The following SPMAP2L variants were observed in gnomAD, a reference collection of about 807,000 sequenced individuals.
SPMAP2L encodes sperm microtubule associated protein 2-like.
chr4:56,534,306 C>T, the SPMAP2L span, among the ~76,000 whole-genome samples: 41 of 152,096 alleles, frequency 2.7e-4, no homozygotes, highest in Non-Finnish European at 5.9e-5. Flanking sequence ...ACACATTAAC[C>T]TCTTATTTTC....
chr4:56,548,146 T>C, the SPMAP2L span, among the ~76,000 whole-genome samples: 1 of 152,224 alleles, frequency 6.6e-6, no homozygotes, highest in Non-Finnish European at 1.5e-5. Context: ...CTTTATACTT[T>C]GCAAAAAAAT....
At chr4:56,535,171 T>C in the SPMAP2L span, among the ~76,000 whole-genome samples, 1 of 152,200 alleles carries the variant, frequency 6.6e-6, no homozygotes, top group South Asian at 2.1e-4. Flanking sequence ...ACTATGGCCA[T>C]TTCTTAACAT....
At chr4:56,548,969 C>T in the SPMAP2L span, 1 of 405,452 alleles carries the variant, frequency 2.5e-6, no homozygotes, top group Non-Finnish European at 4.2e-6. Flanking sequence ...AGGTCCTTTT[C>T]TTTCTTTTCT....
At chr4:56,544,360 T>C in the SPMAP2L span, among the ~76,000 whole-genome samples, 1 of 152,158 alleles carries the variant, frequency 6.6e-6, no homozygotes, top group Non-Finnish European at 1.5e-5. Context: ...TTAAGATGGG[T>C]TCTTTTAAGA....
At chr4:56,537,496 C>G in the SPMAP2L span, among the ~76,000 whole-genome samples, 1 of 152,136 alleles carries the variant, frequency 6.6e-6, no homozygotes, top group Non-Finnish European at 1.5e-5. Context: ...TTCAGTCTCC[C>G]CCATCTAAGA....
the SPMAP2L span, among the ~76,000 whole-genome samples, chr4:56,622,766 C>A: frequency 1.3e-5 from 2 of 152,280 alleles, no homozygotes; most frequent in East Asian, 1.9e-4. Flanking sequence ...CTCCCTCATG[C>A]CGCACACTGC....
the SPMAP2L span, among the ~76,000 whole-genome samples, chr4:56,540,509 C>T: frequency 6.6e-6 from 1 of 152,028 alleles, no homozygotes; most frequent in African/African-American, 2.4e-5. Flanking sequence ...CACCACTGCA[C>T]TGCAGCCTGG....
At chr4:56,542,162 C>T in the SPMAP2L span, among the ~76,000 whole-genome samples, 2 of 152,212 alleles carry the variant, frequency 1.3e-5, no homozygotes, top group Non-Finnish European at 2.9e-5. Flanking sequence ...GTTTGCCTGG[C>T]GGCGGGGACA....
the SPMAP2L span, chr4:56,595,768 A>G: frequency 2.5e-6 from 2 of 814,324 alleles, no homozygotes; most frequent in East Asian, 4.8e-5. Context: ...CTCTCCCCAG[A>G]GCATTTGATA....
chr4:56,540,170 T>C, the SPMAP2L span, among the ~76,000 whole-genome samples: 1 of 152,216 alleles, frequency 6.6e-6, no homozygotes, highest in South Asian at 2.1e-4. Flanking sequence ...TAAGTACTAT[T>C]TGCATCCCCA....
At chr4:56,621,775 A>G in the SPMAP2L span, among the ~76,000 whole-genome samples, 1 of 152,228 alleles carries the variant, frequency 6.6e-6, no homozygotes, top group Admixed American at 6.5e-5. Flanking sequence ...CATTTGCTGT[A>G]TAGTTGTTTG....
At chr4:56,555,501 C>A in the SPMAP2L span, among the ~76,000 whole-genome samples, 1 of 152,114 alleles carries the variant, frequency 6.6e-6, no homozygotes, top group East Asian at 1.9e-4. Flanking sequence ...CATGAAGTAA[C>A]TTGCTAGGAT....
At chr4:56,547,075 C>T in the SPMAP2L span, among the ~76,000 whole-genome samples, 78 of 152,220 alleles carry the variant, frequency 5.1e-4, no homozygotes, top group African/African-American at 1.8e-3. Flanking sequence ...ATCACAAGTT[C>T]GTTGAATAGT....
chr4:56,567,954 C>A, the SPMAP2L span, among the ~76,000 whole-genome samples: 1 of 152,032 alleles, frequency 6.6e-6, no homozygotes, highest in African/African-American at 2.4e-5. Context: ...TCCTTCTTTG[C>A]GGGCTCTAGT....
chr4:56,530,915 A>G, the SPMAP2L span: 4 of 1,535,094 alleles, frequency 2.6e-6, no homozygotes, highest in South Asian at 2.4e-5. Flanking sequence ...GATGAGCCTC[A>G]TGAGTCCTAT....
chr4:56,601,113 T>A, the SPMAP2L span: 1 of 1,531,976 alleles, frequency 6.5e-7, no homozygotes, highest in Non-Finnish European at 8.7e-7. Context: ...ATAAGAGGTA[T>A]GTCAATTTCA....
chr4:56,595,240 G>A, the SPMAP2L span: 1 of 1,612,132 alleles, frequency 6.2e-7, no homozygotes, highest in East Asian at 2.2e-5. Context: ...TGTGGGTCAT[G>A]AATTTATTTT....
the SPMAP2L span, among the ~76,000 whole-genome samples, chr4:56,567,450 T>G: frequency 5.2e-5 from 6 of 114,810 alleles, no homozygotes; most frequent in East Asian, 3.6e-4. Context: ...TGGTTTTTTT[T>G]TTTTTTTTTT....
the SPMAP2L span, chr4:56,575,684 G>A: frequency 6.6e-7 from 1 of 1,517,680 alleles, no homozygotes; most frequent in Non-Finnish European, 8.8e-7. Flanking sequence ...AATCTAATTT[G>A]GCCAGATGTC....
Sources: gnomAD v4.1 joint callset for allele counts (sites outside exome capture counted in the v4.1 genomes callset) on GRCh38, gnomAD v4.1.1 for gene constraint, MANE v1.5 for transcripts, NCBI Gene and HGNC (gene_info 2026-07-23, HGNC 2026-07-21) for gene names.